The following KCNIP4 variants were observed in gnomAD, a reference collection of about 807,000 sequenced individuals.
The protein encoded by KCNIP4 is Kv channel-interacting protein 4.
Under a neutral mutation model 34.0 loss-of-function variants are expected in KCNIP4, and 12 were observed. That is an observed-to-expected ratio of 0.35 (90% confidence interval 0.23 to 0.57). KCNIP4 has a LOEUF of 0.57. Ranked by LOEUF, KCNIP4 falls within the 20% of genes least tolerant of loss-of-function variation. KCNIP4 has a pLI of 0.83. For synonymous variants in KCNIP4, 124 were observed against 102.2 expected, an observed-to-expected ratio of 1.21 and a Z score of -1.29; for missense variants, 238 against 311.7, an observed-to-expected ratio of 0.76 and a Z score of 1.78.
Position 21,291,870 on chromosome 4 carries a change from AGAAAGAAAGAAAGAAAGAAAG to A in KCNIP4, c.62-409182_62-409162del, listed in dbSNP as rs1560259853. Among the ~76,000 whole-genome samples, 10 of 13,280 alleles carry A rather than the reference AGAAAGAAAGAAAGAAAGAAAG, an allele frequency of 7.5e-4. 1 individual carries two copies. The highest frequency in any genetic ancestry group is 2.5e-3 in the African/African-American group (10 of 3,964). The allele number at this position is 13,280 out of a possible 152,430, so 8.7% of individuals were successfully genotyped here. ...CTCCGCCTCAAAAAAAAAAAAAAAAAGAAAGAAAGAAAGAAAGAAAGAAAGAAAGAAAGAAAGAAAGAAAGA... is the reference window on the plus strand; with the variant it reads ...CTCCGCCTCAAAAAAAAAAAAAAAAAAAAGAAAGAAAGAAAGAAAGAAAGA... On this transcript the variant is annotated intron_variant, in intron 1 of 8. Transcript: ENST00000382152.
intron 1 of KCNIP4, among the ~76,000 whole-genome samples, chr4:21,398,098 T>G (rs1723159855): frequency 2.6e-5 from 4 of 152,202 alleles, no homozygotes; most frequent in Non-Finnish European, 5.9e-5. Context: ...TGTCGGACTC[T>G]TTTTTGTTTG....
intron 1 of KCNIP4, among the ~76,000 whole-genome samples, chr4:21,325,892 T>A (rs1485469212): frequency 6.6e-6 from 1 of 151,932 alleles, no homozygotes; most frequent in East Asian, 1.9e-4. Flanking sequence ...AATTTCTATG[T>A]GTTTGTATAG....
chr4:21,513,128 G>A (rs1352789438), intron 1 of KCNIP4, among the ~76,000 whole-genome samples: 2 of 152,178 alleles, frequency 1.3e-5, no homozygotes, highest in African/African-American at 4.8e-5. Flanking sequence ...CATTTGTGGA[G>A]AAACAAAAAT....
chr4:21,158,571 A>G (rs1282843892), intron 1 of KCNIP4, among the ~76,000 whole-genome samples: 1 of 152,198 alleles, frequency 6.6e-6, no homozygotes, highest in Non-Finnish European at 1.5e-5. Context: ...CTGAAAAAGA[A>G]TTTGACAAAA....
intron 1 of KCNIP4, among the ~76,000 whole-genome samples, chr4:21,332,716 C>T (rs180737620): frequency 3.3e-5 from 5 of 151,972 alleles, no homozygotes; most frequent in Admixed American, 3.3e-4. Flanking sequence ...GTGGAGAGTC[C>T]CATTTCTTCC....
chr4:21,328,620 C>T (rs1560294600), intron 1 of KCNIP4, among the ~76,000 whole-genome samples: 1 of 152,202 alleles, frequency 6.6e-6, no homozygotes, highest in African/African-American at 2.4e-5. Flanking sequence ...TAGGGCGCCA[C>T]CATCAGCCTG....
At chr4:21,022,566 C>T (rs57968360) in intron 1 of KCNIP4, among the ~76,000 whole-genome samples, 25,041 of 152,128 alleles carry the variant, frequency 0.16, 2,263 homozygotes, top group African/African-American at 0.22. Context: ...AGATGAAAAT[C>T]CACAGGAATT....
chr4:20,823,535 G>C (rs969163156), intron 3 of KCNIP4, among the ~76,000 whole-genome samples: 1 of 151,996 alleles, frequency 6.6e-6, no homozygotes, highest in South Asian at 2.1e-4. Context: ...CTCATGAATG[G>C]GATTAGTGCA....
chr4:20,810,718 G>T (rs992535877), intron 3 of KCNIP4, among the ~76,000 whole-genome samples: 6 of 152,140 alleles, frequency 3.9e-5, no homozygotes, highest in African/African-American at 1.4e-4. Context: ...GAGAAAACCA[G>T]CCATGAGAAT....
intron 1 of KCNIP4, among the ~76,000 whole-genome samples, chr4:21,129,599 C>G (rs185843738): frequency 6.6e-6 from 1 of 152,246 alleles, no homozygotes; most frequent in East Asian, 1.9e-4. Flanking sequence ...TTCAGTTTAC[C>G]TGGCTTACAT....
chr4:21,247,512 G>C (rs1352957297), intron 1 of KCNIP4, among the ~76,000 whole-genome samples: 1 of 147,742 alleles, frequency 6.8e-6, no homozygotes, highest in African/African-American at 2.5e-5. Context: ...GCATGCAGAG[G>C]GACGATATGG....
chr4:21,519,776 CGTGTGTGT>C (rs1735340994), intron 1 of KCNIP4, among the ~76,000 whole-genome samples: 1 of 111,378 alleles, frequency 9.0e-6, no homozygotes, highest in African/African-American at 3.7e-5. Context: ...TGTATACACA[CGTGTGTGT>C]ATGTGTGTGT....
At chr4:21,124,987 C>T (rs755200650) in intron 1 of KCNIP4, among the ~76,000 whole-genome samples, 37 of 151,228 alleles carry the variant, frequency 2.4e-4, no homozygotes, top group Non-Finnish European at 4.6e-4. Context: ...TAGAATTCCC[C>T]GGTGAAGTCA....
intron 1 of KCNIP4, among the ~76,000 whole-genome samples, chr4:21,589,704 C>T (rs1742035010): frequency 6.6e-6 from 1 of 151,894 alleles, no homozygotes; most frequent in Non-Finnish European, 1.5e-5. Context: ...TTTATTCCTT[C>T]ATGACACTCT....
rs182192736 is a variant in KCNIP4, at chr4:21,021,332, T to G, written c.62-138623A>C. On this transcript the variant is annotated intron_variant, in intron 1 of 8. Coordinates refer to ENST00000382152, the MANE Select transcript of KCNIP4 (RefSeq NM_025221.6). Reference sequence around the variant, plus strand: ...TGAGTGGTCAGTGAATATTACTTTATAAACATTGAAGACTTTATAATAAAC... The same window carrying G: ...TGAGTGGTCAGTGAATATTACTTTAGAAACATTGAAGACTTTATAATAAAC... Among the ~76,000 whole-genome samples, 31 of 152,306 alleles carry G rather than the reference T, an allele frequency of 2.0e-4. No individual in the cohort carries two copies. The South Asian group carries it at 2.1e-3, about 10-fold the overall frequency.
intron 1 of KCNIP4, among the ~76,000 whole-genome samples, chr4:21,683,568 A>C (rs1407434716): frequency 7.2e-6 from 1 of 139,410 alleles, no homozygotes; most frequent in African/African-American, 2.7e-5. Flanking sequence ...TCCCGGGTTC[A>C]CGCCATTCTC....
intron 1 of KCNIP4, among the ~76,000 whole-genome samples, chr4:21,309,771 T>A (rs531986271): frequency 1.3e-5 from 2 of 152,134 alleles, no homozygotes; most frequent in African/African-American, 4.8e-5. Flanking sequence ...CAAGAGATAA[T>A]ATTTTAGATG....
intron 1 of KCNIP4, among the ~76,000 whole-genome samples, chr4:21,723,938 T>C (rs1715006661): frequency 6.6e-6 from 1 of 152,034 alleles, no homozygotes. Context: ...CCAAGCACAT[T>C]CCTCAGCCAA....
intron 8 of KCNIP4, 122 bp downstream of exon 8, chr4:20,731,884 A>G (rs773214137): frequency 7.5e-6 from 11 of 1,470,286 alleles, no homozygotes; most frequent in Non-Finnish European, 8.1e-6. Flanking sequence ...TGCATGTTGT[A>G]GAAGTGGTAA....
Sources: gnomAD v4.1 joint callset for allele counts (sites outside exome capture counted in the v4.1 genomes callset) on GRCh38, gnomAD v4.1.1 for gene constraint, MANE v1.5 for transcripts, NCBI Gene and HGNC (gene_info 2026-07-23, HGNC 2026-07-21) for gene names.